Variants in PARP8 observed in about 807,000 individuals in gnomAD.
PARP8 encodes the protein protein mono-ADP-ribosyltransferase PARP8.
PARP8 carries 51 observed loss-of-function variants against 124.1 expected under a neutral mutation model. The observed-to-expected ratio is 0.41, with a 90% CI of 0.33 to 0.52. PARP8 has a LOEUF of 0.52. Ranked by LOEUF, PARP8 falls within the 20% of genes least tolerant of loss-of-function variation. The probability of loss-of-function intolerance (pLI) is 0.21; values close to 1 mark genes in which losing one functional copy is unlikely to be tolerated. For synonymous variants in PARP8, 391 were observed against 361.5 expected (o/e 1.08, Z -0.93); for missense variants, 860 against 1,018.9 (o/e 0.84, Z 2.12).
chr5:50,786,431 C>G (rs566949401), intron 9 of PARP8, among the ~76,000 whole-genome samples: 24 of 150,448 alleles, frequency 1.6e-4, no homozygotes, highest in African/African-American at 5.9e-4. Context: ...GTGGCATTAT[C>G]ACAGCTCACT....
chr5:50,725,968 G>A (rs1298535146), intron 2 of PARP8, among the ~76,000 whole-genome samples: 1 of 152,128 alleles, frequency 6.6e-6, no homozygotes, highest in African/African-American at 2.4e-5. Flanking sequence ...GACGCATCCT[G>A]TAGAGCCTGA....
chr5:50,758,888 A>C (rs1760245554), intron 3 of PARP8, among the ~76,000 whole-genome samples: 1 of 152,190 alleles, frequency 6.6e-6, no homozygotes, highest in Non-Finnish European at 1.5e-5. Flanking sequence ...TAAGAAATTT[A>C]AGGACCCTGT....
At chr5:50,802,804 A>C (rs921630211) in intron 14 of PARP8, among the ~76,000 whole-genome samples, 34 of 152,324 alleles carry the variant, frequency 2.2e-4, no homozygotes, top group African/African-American at 8.2e-4. Flanking sequence ...AAAAAAAATC[A>C]AAGTCAAATG....
At chr5:50,685,993 T>C (rs927320221) in intron 2 of PARP8, among the ~76,000 whole-genome samples, 1 of 152,080 alleles carries the variant, frequency 6.6e-6, no homozygotes, top group Non-Finnish European at 1.5e-5. Context: ...CCTGGGCCCC[T>C]CCCAAATCTC....
At chr5:50,769,182 A>G (rs1323020317) in intron 7 of PARP8, among the ~76,000 whole-genome samples, 8 of 152,172 alleles carry the variant, frequency 5.3e-5, no homozygotes, top group Non-Finnish European at 7.4e-5. Context: ...TTAAAAGCAT[A>G]TATGCACGTT....
At chr5:50,712,763 T>C (rs1391308233) in intron 2 of PARP8, among the ~76,000 whole-genome samples, 1 of 151,498 alleles carries the variant, frequency 6.6e-6, no homozygotes, top group African/African-American at 2.4e-5. Context: ...GAAACAAATA[T>C]GGATCTGGTG....
intron 2 of PARP8, among the ~76,000 whole-genome samples, chr5:50,743,210 C>G (rs535469185): frequency 2.0e-5 from 3 of 152,080 alleles, no homozygotes; most frequent in East Asian, 3.9e-4. Flanking sequence ...GGAGTGATGT[C>G]AAGATTTTTG....
intron 2 of PARP8, among the ~76,000 whole-genome samples, chr5:50,730,306 A>T: frequency 6.6e-6 from 1 of 152,110 alleles, no homozygotes; most frequent in East Asian, 1.9e-4. Flanking sequence ...TTATAAAGGA[A>T]AGAGGTTTAA....
intron 2 of PARP8, among the ~76,000 whole-genome samples, chr5:50,676,050 A>G (rs1469085361): frequency 6.6e-6 from 1 of 152,240 alleles, no homozygotes; most frequent in Middle Eastern, 3.2e-3. Flanking sequence ...AATATAAAAC[A>G]GTTTTAATGA....
chr5:50,692,494 CT>C (rs1187567820), intron 2 of PARP8, among the ~76,000 whole-genome samples: 1 of 151,216 alleles, frequency 6.6e-6, no homozygotes, highest in Non-Finnish European at 1.5e-5. Flanking sequence ...CAGAAAGAAG[CT>C]TTTTTTTGGT....
Position 50,818,187 on chromosome 5 carries a change from C to T in PARP8, c.1668+2663C>T, listed in dbSNP as rs536548476. Among the ~76,000 whole-genome samples, 446 of 145,650 alleles carry T rather than the reference C, an allele frequency of 3.1e-3. 4 individuals are homozygous for T. Among genetic ancestry groups the T allele is most frequent in the African/African-American group, 0.011 (420 of 39,742 alleles). On this transcript the variant is annotated intron_variant, in intron 15 of 25. Transcript: ENST00000281631. ...AAATATATCATTTAGCCCCCCCCCC[C>T]CCAAAAAAAAGAAGTCATAGTTGTG...
chr5:50,697,381 T>C (rs1383494907), intron 2 of PARP8, among the ~76,000 whole-genome samples: 1 of 152,230 alleles, frequency 6.6e-6, no homozygotes, highest in African/African-American at 2.4e-5. Context: ...GAAAATCCTA[T>C]CTCATATTTC....
intron 2 of PARP8, among the ~76,000 whole-genome samples, chr5:50,685,865 C>G (rs567878940): frequency 2.0e-4 from 30 of 152,296 alleles, no homozygotes; most frequent in African/African-American, 7.2e-4. Context: ...CTTACTCTCA[C>G]AAGAACAGCA....
At chr5:50,725,092 T>TAC (rs1491525298) in intron 2 of PARP8, among the ~76,000 whole-genome samples, 8 of 129,796 alleles carry the variant, frequency 6.2e-5, no homozygotes, top group Admixed American at 1.6e-4. Context: ...TATATATATA[T>TAC]ACACATATGT....
chr5:50,755,675 G>A (rs1381878697), intron 3 of PARP8, among the ~76,000 whole-genome samples: 1 of 152,006 alleles, frequency 6.6e-6, no homozygotes, highest in African/African-American at 2.4e-5. Context: ...CTGTTTTTTG[G>A]TTCCATATGA....
intron 3 of PARP8, among the ~76,000 whole-genome samples, chr5:50,757,897 C>T (rs550249788): frequency 6.6e-6 from 1 of 152,196 alleles, no homozygotes; most frequent in East Asian, 1.9e-4. Context: ...TTCCCTTCTA[C>T]TTGGTGGCCA....
Position 50,794,997 on chromosome 5 carries a change from A to G in PARP8, c.1008A>G (p.Ser336=). ...VKTDDVCVTK[S]HRTFGRSLSS... The stretch of plus-strand genomic sequence containing the variant: ...CTGATGATGTGTGTGTCACAAAGTC[A>G]CACAGGACCTTTGGCCGCTCCTTGT... Residue 336 remains serine, a synonymous_variant, in exon 12 of 26, where the codon TCA becomes TCG. Transcript: ENST00000281631. 1 of 1,614,238 alleles carries G rather than the reference A, an allele frequency of 6.2e-7. No homozygotes were observed. The highest frequency in any genetic ancestry group is 2.2e-5 in the East Asian group (1 of 44,888).
At chr5:50,834,544 C>G (rs1747349762) in intron 24 of PARP8, among the ~76,000 whole-genome samples, 1 of 152,084 alleles carries the variant, frequency 6.6e-6, no homozygotes, top group African/African-American at 2.4e-5. Flanking sequence ...ATATGACTGC[C>G]TAAAAATTCA....
At chr5:50,692,218 A>T (rs559433253) in intron 2 of PARP8, among the ~76,000 whole-genome samples, 1 of 152,172 alleles carries the variant, frequency 6.6e-6, no homozygotes, top group Non-Finnish European at 1.5e-5. Flanking sequence ...TTGTCATGTC[A>T]TTCAAAAGTG....
Sources: allele counts gnomAD v4.1 joint callset (sites outside exome capture counted in the v4.1 genomes callset), GRCh38; gene constraint gnomAD v4.1.1; transcripts MANE v1.5; gene names NCBI Gene and HGNC (gene_info 2026-07-23, HGNC 2026-07-21).